Variants in NDUFA9 observed in about 807,000 individuals in gnomAD.
NDUFA9 encodes the protein NADH:ubiquinone oxidoreductase subunit A9, also known as NADH dehydrogenase [ubiquinone] 1 alpha subcomplex subunit 9, mitochondrial.
Under a neutral mutation model 45.9 loss-of-function variants are expected in NDUFA9, and 23 were observed. That is an observed-to-expected ratio of 0.50 (90% CI 0.36 to 0.71). The LOEUF (loss-of-function observed/expected upper bound fraction) is 0.71. Among genes scored for constraint, NDUFA9 ranks in the 30% least tolerant of loss-of-function variants. The pLI is 0.00. For synonymous variants in NDUFA9, 176 were observed against 170.5 expected (o/e 1.03, Z -0.25); for missense variants, 466 against 488.2 (o/e 0.95, Z 0.43).
intron 3 of NDUFA9, among the ~76,000 whole-genome samples, chr12:4,656,776 A>G (rs1012074747): frequency 1.3e-5 from 2 of 152,224 alleles, no homozygotes; most frequent in African/African-American, 2.4e-5. Context: ...CTAATTTTAC[A>G]TGGGGTTTGA....
intron 8 of NDUFA9, among the ~76,000 whole-genome samples, chr12:4,672,802 G>T (rs1228353195): frequency 6.6e-6 from 1 of 152,224 alleles, no homozygotes; most frequent in African/African-American, 2.4e-5. Context: ...TGGGGGTGCA[G>T]CTTCAGCAGA....
intron 8 of NDUFA9, among the ~76,000 whole-genome samples, chr12:4,670,447 A>T (rs891232946): frequency 6.6e-6 from 1 of 152,220 alleles, no homozygotes; most frequent in Admixed American, 6.5e-5. Flanking sequence ...TAAGTGGTTC[A>T]TAACCCTGTG....
intron 8 of NDUFA9, among the ~76,000 whole-genome samples, chr12:4,671,603 A>C (rs1374063691): frequency 6.6e-6 from 1 of 152,200 alleles, no homozygotes; most frequent in Non-Finnish European, 1.5e-5. Context: ...AATTGATTCT[A>C]AATTTATATG....
At chr12:4,680,143 G>A (rs924029117) in intron 8 of NDUFA9, among the ~76,000 whole-genome samples, 2 of 152,160 alleles carry the variant, frequency 1.3e-5, no homozygotes, top group Non-Finnish European at 2.9e-5. Context: ...TTTGAGGACA[G>A]AAGATAGAAA....
chr12:4,669,573 G>A (rs1945874182), intron 7 of NDUFA9, among the ~76,000 whole-genome samples, 168 bp from the exon 8 acceptor site: 1 of 152,180 alleles, frequency 6.6e-6, no homozygotes, highest in Non-Finnish European at 1.5e-5. Context: ...AATAGATAAT[G>A]CCATTATTTT....
At chr12:4,654,676 G>C in intron 2 of NDUFA9, 149 bp from the exon 3 acceptor site, 1 of 892,554 alleles carries the variant, frequency 1.1e-6, no homozygotes, top group Non-Finnish European at 1.7e-6. Context: ...AAAAGCTATG[G>C]CATCTTTAGC....
At chr12:4,662,992 C>T (rs1945832429) in intron 6 of NDUFA9, among the ~76,000 whole-genome samples, 1 of 152,158 alleles carries the variant, frequency 6.6e-6, no homozygotes, top group Non-Finnish European at 1.5e-5. Context: ...CCTACCCACC[C>T]CTAACCCCAG....
intron 5 of NDUFA9, among the ~76,000 whole-genome samples, chr12:4,662,320 A>G (rs1945827702): frequency 6.6e-6 from 1 of 152,258 alleles, no homozygotes; most frequent in South Asian, 2.1e-4. Context: ...AAAAATTGGA[A>G]GAGACCCAAC....
At chr12:4,683,211 C>T (rs899598336) in intron 9 of NDUFA9, among the ~76,000 whole-genome samples, 2 of 151,724 alleles carry the variant, frequency 1.3e-5, no homozygotes, top group Non-Finnish European at 2.9e-5. Context: ...AAAGAAAAAC[C>T]TACTGCCCTG....
chr12:4,658,917 TGTTTAAAA>T, intron 4 of NDUFA9, 111 bp from the exon 5 acceptor site: 1 of 1,070,190 alleles, frequency 9.3e-7, no homozygotes, highest in Non-Finnish European at 1.3e-6. Context: ...AAATCATTGC[TGTTTAAAA>T]GTTTAAGTAG....
chr12:4,677,756 T>C (rs1945928738), intron 8 of NDUFA9, among the ~76,000 whole-genome samples: 1 of 152,156 alleles, frequency 6.6e-6, no homozygotes. Flanking sequence ...GAAGTAGAAA[T>C]ACCATTTGAC....
At chr12:4,675,288 C>T (rs1945912494) in intron 8 of NDUFA9, among the ~76,000 whole-genome samples, 1 of 152,072 alleles carries the variant, frequency 6.6e-6, no homozygotes, top group South Asian at 2.1e-4. Flanking sequence ...AATTTAAAAG[C>T]TAGCAGAAGG....
intron 8 of NDUFA9, among the ~76,000 whole-genome samples, chr12:4,680,927 A>G (rs113929135): frequency 3.9e-4 from 59 of 152,332 alleles, no homozygotes; most frequent in African/African-American, 1.3e-3. Flanking sequence ...AACTATTCAG[A>G]TTAATGGAAT....
chr12:4,670,974 C>T (rs1945883610), intron 8 of NDUFA9, among the ~76,000 whole-genome samples: 1 of 152,138 alleles, frequency 6.6e-6, no homozygotes, highest in Non-Finnish European at 1.5e-5. Flanking sequence ...ATCCTTTTGT[C>T]TGGGCTCCAG....
chr12:4,682,896 A>T (rs1361723752), intron 9 of NDUFA9, among the ~76,000 whole-genome samples: 1 of 152,146 alleles, frequency 6.6e-6, no homozygotes, highest in Non-Finnish European at 1.5e-5. Context: ...GCGAAGCCCC[A>T]TCTCTACAAA....
chr12:4,685,722 C>T (rs1050224393), intron 10 of NDUFA9, among the ~76,000 whole-genome samples: 2 of 151,694 alleles, frequency 1.3e-5, no homozygotes, highest in Non-Finnish European at 2.9e-5. Flanking sequence ...CTTTAACCTA[C>T]TCCAGTCAGG....
chr12:4,691,336 A>T lies in NDUFA9; in HGVS notation c.*4228A>T, dbSNP rs1200310245. 6.6e-6 allele frequency: 1 copy of T among 152,242 alleles called. No homozygotes were observed. The highest frequency in any genetic ancestry group is 1.5e-5 in the Non-Finnish European group (1 of 68,050). The allele number at this position is 152,242 out of a possible 1,614,324, so 9.4% of individuals were successfully genotyped here. On this transcript the variant is annotated 3_prime_UTR_variant, in exon 11 of 11. Coordinates refer to ENST00000266544, the MANE Select transcript of NDUFA9 (RefSeq NM_005002.5). Reference sequence around the variant, plus strand: ...ATACATTTGTTTCCTGACTTAATAAAATAGCTGCCGTTCCTGAGAAGGAGG... The same window carrying T: ...ATACATTTGTTTCCTGACTTAATAATATAGCTGCCGTTCCTGAGAAGGAGG...
chr12:4,687,170 C>G lies in NDUFA9; in HGVS notation c.*62C>G. 3 of 1,518,816 alleles carry G rather than the reference C, an allele frequency of 2.0e-6. No homozygotes were observed. The highest frequency in any genetic ancestry group is 2.7e-6 in the Non-Finnish European group (3 of 1,115,564). 94.1% of individuals were successfully genotyped at this position (1,518,816 alleles called of 1,614,324 possible). A position where few individuals can be genotyped will look rare whatever the true frequency, so the allele number is the denominator to read the frequency against. On this transcript the variant is annotated 3_prime_UTR_variant, in exon 11 of 11. Transcript: ENST00000266544. ...GGTCGGCCCATGTGGTTTGAGCACC[C>G]AGCCAGGCGGTCTCTTTAGAGGATC...
chr12:4,653,678 A>G (rs564619430), intron 1 of NDUFA9: 4 of 426,290 alleles, frequency 9.4e-6, no homozygotes, highest in Admixed American at 8.7e-5. Context: ...GTGGTTTTAT[A>G]GTAAGTCTGA....
Sources: gnomAD v4.1 joint callset for allele counts (sites outside exome capture counted in the v4.1 genomes callset) on GRCh38, gnomAD v4.1.1 for gene constraint, MANE v1.5 for transcripts, NCBI Gene and HGNC (gene_info 2026-07-23, HGNC 2026-07-21) for gene names.